Variants in ADGRL3 observed in about 807,000 individuals in gnomAD.
ADGRL3 encodes the protein calcium-independent alpha-latrotoxin receptor 3.
In ADGRL3, 62 loss-of-function variants were observed where a neutral mutation model predicts 153.5. That is an observed-to-expected ratio of 0.40 (90% CI 0.33 to 0.50). The LOEUF (loss-of-function observed/expected upper bound fraction) is 0.50. Ranked by LOEUF, ADGRL3 falls within the 20% of genes least tolerant of loss-of-function variation. ADGRL3 has a pLI of 0.47. For missense variants in ADGRL3, 1,641 were observed against 1,859.4 expected, an observed-to-expected ratio of 0.88 and a Z score of 2.16; for synonymous variants, 710 against 672.5, an observed-to-expected ratio of 1.06 and a Z score of -0.86.
chr4:61,323,964 A>C (rs2095416323), intron 1 of ADGRL3, among the ~76,000 whole-genome samples: 1 of 152,182 alleles, frequency 6.6e-6, no homozygotes, highest in South Asian at 2.1e-4. Flanking sequence ...TTGGACTTAC[A>C]GTTTCATGTG....
intron 9 of ADGRL3, among the ~76,000 whole-genome samples, chr4:61,858,358 C>T (rs2098301879): frequency 1.3e-5 from 2 of 152,146 alleles, no homozygotes; most frequent in African/African-American, 2.4e-5. Flanking sequence ...CATGGTGGCT[C>T]ACGCCTGTAA....
intron 17 of ADGRL3, among the ~76,000 whole-genome samples, chr4:61,967,668 T>C (rs1347381867): frequency 6.6e-6 from 1 of 152,268 alleles, no homozygotes; most frequent in Non-Finnish European, 1.5e-5. Flanking sequence ...CCTTTGCATC[T>C]ATGAATTCAT....
intron 6 of ADGRL3, among the ~76,000 whole-genome samples, chr4:61,678,204 C>T (rs186210413): frequency 1.1e-4 from 17 of 151,968 alleles, no homozygotes; most frequent in Admixed American, 3.3e-4. Flanking sequence ...GGAATTGGGA[C>T]AATTATACTT....
intron 6 of ADGRL3, among the ~76,000 whole-genome samples, chr4:61,726,216 TGAGAAGGAG>T (rs2096340382): frequency 6.7e-6 from 1 of 148,840 alleles, no homozygotes; most frequent in African/African-American, 2.5e-5. Flanking sequence ...TTTTGTTTTT[TGAGAAGGAG>T]TCTCACCCTG....
intron 3 of ADGRL3, among the ~76,000 whole-genome samples, chr4:61,509,658 AG>A (rs1412301645): frequency 9.9e-5 from 15 of 152,018 alleles, no homozygotes; most frequent in African/African-American, 2.9e-4. Flanking sequence ...TTATTTATCC[AG>A]TCTACCATTG....
chr4:61,996,224 G>A lies in ADGRL3; in HGVS notation c.3237-67G>A, dbSNP rs1457771187. ...CAGCTCACATTCTTCTCTGTCACAG[G>A]TTCACTCTTGATGTATGTCCCATAC... On this transcript the variant is annotated intron_variant, in intron 19 of 26. Coordinates refer to ENST00000683033, the MANE Select transcript of ADGRL3 (RefSeq NM_001387552.1). The A allele has an allele frequency of 5.3e-6, 5 of 946,990 alleles. No individual in the cohort carries two copies. The African/African-American group carries it at 6.6e-5, about 12-fold the overall frequency. The allele number at this position is 946,990 out of a possible 1,614,324, so 58.7% of individuals were successfully genotyped here.
chr4:61,625,649 C>T (rs1055358076), intron 5 of ADGRL3, among the ~76,000 whole-genome samples: 7 of 151,838 alleles, frequency 4.6e-5, no homozygotes, highest in Non-Finnish European at 8.8e-5. Flanking sequence ...AGAGGTCAGA[C>T]AAATATATAA....
At chr4:61,671,677 T>A (rs2095005860) in intron 5 of ADGRL3, among the ~76,000 whole-genome samples, 1 of 152,160 alleles carries the variant, frequency 6.6e-6, no homozygotes, top group African/African-American at 2.4e-5. Context: ...ACATCATGAC[T>A]GAATGAATTC....
intron 17 of ADGRL3, among the ~76,000 whole-genome samples, chr4:61,973,987 A>G (rs1170085708): frequency 1.3e-5 from 2 of 152,138 alleles, no homozygotes; most frequent in Non-Finnish European, 2.9e-5. Context: ...GTTTTCTCCC[A>G]GACAAGGTCT....
intron 9 of ADGRL3, among the ~76,000 whole-genome samples, chr4:61,856,596 CTCTCTCTCTTTTTTT>C (rs2098268839): frequency 1.8e-5 from 1 of 57,040 alleles, no homozygotes; most frequent in Non-Finnish European, 4.5e-5. Flanking sequence ...TTCTCTCTCT[CTCTCTCTCTTTTTTT>C]TTTTTTTTTT....
At chr4:61,255,614 A>G (rs1330301448) in intron 1 of ADGRL3, among the ~76,000 whole-genome samples, 4 of 152,232 alleles carry the variant, frequency 2.6e-5, no homozygotes, top group East Asian at 1.9e-4. Context: ...TTTATATTTC[A>G]CATCAATGTT....
chr4:61,476,755 A>T (rs1001975308), intron 2 of ADGRL3, among the ~76,000 whole-genome samples: 6 of 149,164 alleles, frequency 4.0e-5, no homozygotes, highest in Non-Finnish European at 7.4e-5. Flanking sequence ...AACATAGAAG[A>T]AGAATAGACA....
chr4:61,594,308 C>A (rs779544354), intron 5 of ADGRL3, among the ~76,000 whole-genome samples: 37 of 152,194 alleles, frequency 2.4e-4, no homozygotes, highest in Non-Finnish European at 1.2e-4. Context: ...GTTCCTGGTG[C>A]CTTATTTAGT....
intron 19 of ADGRL3, among the ~76,000 whole-genome samples, chr4:61,985,872 A>G (rs191553990): frequency 6.7e-6 from 1 of 150,140 alleles, no homozygotes; most frequent in Non-Finnish European, 1.5e-5. Flanking sequence ...TTTTCTGTTG[A>G]TTCCAGTGAC....
chr4:61,941,251 G>A (rs2098891617), intron 15 of ADGRL3, among the ~76,000 whole-genome samples: 2 of 132,456 alleles, frequency 1.5e-5, no homozygotes, highest in Admixed American at 8.3e-5. Flanking sequence ...TAGATATGCG[G>A]TGTTATTTCT....
At chr4:61,431,491 T>TTCCAGGTGACTAG (rs2097355320) in intron 2 of ADGRL3, among the ~76,000 whole-genome samples, 1 of 152,224 alleles carries the variant, frequency 6.6e-6, no homozygotes, top group South Asian at 2.1e-4. Flanking sequence ...ACCTGTTTAT[T>TTCCAGGTGACTAG]ACCACCTCCA....
chr4:61,548,963 C>T (rs1008100580), intron 4 of ADGRL3, among the ~76,000 whole-genome samples: 5 of 151,950 alleles, frequency 3.3e-5, no homozygotes, highest in Non-Finnish European at 7.4e-5. Context: ...CTCTTCCTAT[C>T]GATGAGGATG....
intron 6 of ADGRL3, 121 bp downstream of exon 6, chr4:61,677,056 A>T: frequency 1.4e-6 from 1 of 724,264 alleles, no homozygotes; most frequent in South Asian, 1.9e-5. Context: ...AAATTGGCTA[A>T]TATTAATTTT....
intron 2 of ADGRL3, among the ~76,000 whole-genome samples, chr4:61,454,927 T>C (rs946192836): frequency 6.6e-6 from 1 of 152,144 alleles, no homozygotes; most frequent in Non-Finnish European, 1.5e-5. Flanking sequence ...AACTTTCATA[T>C]TGGAAATTCT....
Sources: gnomAD v4.1 joint callset for allele counts (sites outside exome capture counted in the v4.1 genomes callset) on GRCh38, gnomAD v4.1.1 for gene constraint, MANE v1.5 for transcripts, NCBI Gene and HGNC (gene_info 2026-07-23, HGNC 2026-07-21) for gene names.